The following ADGRB3 variants were observed in gnomAD, a reference collection of about 807,000 sequenced individuals.
ADGRB3 encodes brain-specific angiogenesis inhibitor 3.
Under a neutral mutation model 193.4 loss-of-function variants are expected in ADGRB3, and 37 were observed. The ratio of observed to expected loss-of-function variants is 0.19; its 90% CI spans 0.15 to 0.25. ADGRB3 has a LOEUF of 0.25. ADGRB3 is among the 10% of genes least tolerant of loss of function. The pLI is 1.00. For synonymous variants in ADGRB3, 690 were observed against 644.2 expected (o/e 1.07, Z -1.08); for missense variants, 1,637 against 1,852.9 (o/e 0.88, Z 2.14).
Position 69,048,270 on chromosome 6 carries a change from G to C in ADGRB3, c.2193G>C (p.Trp731Cys). The change falls in exon 14 of 32, where the codon TGG becomes TGC. Residue 731 changes from tryptophan (W) to cysteine (C), a missense_variant. Physicochemically the swap from Trp to Cys is radical, Grantham distance 215. This residue lies in a region of ADGRB3 where 641 missense variants were observed against 673.9 expected (regional missense o/e 0.95). Coordinates refer to ENST00000370598, the MANE Select transcript of ADGRB3 (RefSeq NM_001704.3). ...PMKGRKGMVD[W>C]ARNSEDRVVI... ...AAGGACGGAAGGGAATGGTTGACTG[G>C]GCAAGAAACTCAGAAGATAGGGTAG... 4 of 1,613,506 alleles carry C rather than the reference G, an allele frequency of 2.5e-6. No individual in the cohort carries two copies. Among genetic ancestry groups the C allele is most frequent in the Non-Finnish European group, 3.4e-6 (4 of 1,179,700 alleles).
intron 3 of ADGRB3, among the ~76,000 whole-genome samples, chr6:68,756,682 T>G (rs1562017525): frequency 6.6e-6 from 1 of 152,150 alleles, no homozygotes; most frequent in East Asian, 1.9e-4. Flanking sequence ...TTGTTTATCA[T>G]ACAGCCTCCA....
intron 17 of ADGRB3, among the ~76,000 whole-genome samples, chr6:69,096,532 A>G (rs1329218944): frequency 3.3e-5 from 5 of 151,958 alleles, no homozygotes; most frequent in Non-Finnish European, 5.9e-5. Flanking sequence ...TAGCTCCCCC[A>G]TTGTCCTATT....
intron 17 of ADGRB3, among the ~76,000 whole-genome samples, chr6:69,196,003 A>G (rs1417893451): frequency 6.6e-6 from 1 of 152,148 alleles, no homozygotes; most frequent in African/African-American, 2.4e-5. Flanking sequence ...CATATCTTAG[A>G]TGTTTACAAT....
chr6:69,120,043 G>A (rs546269558), intron 17 of ADGRB3, among the ~76,000 whole-genome samples: 1 of 152,074 alleles, frequency 6.6e-6, no homozygotes, highest in African/African-American at 2.4e-5. Context: ...TGAAAAATTC[G>A]ATTTAGAATG....
At chr6:68,687,064 ATCT>A (rs1416362821) in intron 3 of ADGRB3, among the ~76,000 whole-genome samples, 1 of 151,968 alleles carries the variant, frequency 6.6e-6, no homozygotes, top group Non-Finnish European at 1.5e-5. Flanking sequence ...ATGTATATGG[ATCT>A]TCTATGTATC....
At chr6:68,721,275 A>G (rs1242825764) in intron 3 of ADGRB3, among the ~76,000 whole-genome samples, 3 of 151,772 alleles carry the variant, frequency 2.0e-5, no homozygotes, top group Non-Finnish European at 4.4e-5. Flanking sequence ...GCACATATAC[A>G]CCATGGAATA....
At chr6:68,640,884 C>A (rs903756061) in intron 3 of ADGRB3, among the ~76,000 whole-genome samples, 1 of 152,092 alleles carries the variant, frequency 6.6e-6, no homozygotes, top group African/African-American at 2.4e-5. Context: ...GGGGTGAAAA[C>A]CTTAAAGATT....
At chr6:69,110,776 A>G (rs1412004789) in intron 17 of ADGRB3, among the ~76,000 whole-genome samples, 1 of 152,200 alleles carries the variant, frequency 6.6e-6, no homozygotes, top group Non-Finnish European at 1.5e-5. Flanking sequence ...TTTGTGAAGA[A>G]AGCAGGAAAA....
intron 3 of ADGRB3, among the ~76,000 whole-genome samples, chr6:68,905,029 C>T (rs956366691): frequency 7.9e-5 from 12 of 152,112 alleles, no homozygotes; most frequent in African/African-American, 2.9e-4. Flanking sequence ...ATATGGCCAC[C>T]GTGTGTGGAC....
At chr6:68,985,152 T>C (rs1769033415) in intron 10 of ADGRB3, among the ~76,000 whole-genome samples, 1 of 152,188 alleles carries the variant, frequency 6.6e-6, no homozygotes, top group South Asian at 2.1e-4. Context: ...GAGCTACTTG[T>C]ATGCAGGTGC....
chr6:69,248,420 A>G (rs913395382), intron 20 of ADGRB3, among the ~76,000 whole-genome samples: 2 of 152,228 alleles, frequency 1.3e-5, no homozygotes, highest in Non-Finnish European at 2.9e-5. Context: ...CTTTGAGACT[A>G]TGTCTCTCAG....
intron 6 of ADGRB3, among the ~76,000 whole-genome samples, chr6:68,951,658 T>G (rs1409762902): frequency 1.3e-5 from 2 of 152,198 alleles, no homozygotes; most frequent in African/African-American, 2.4e-5. Context: ...ACCAGGGAAC[T>G]CTTTTCTGAC....
At chr6:69,047,076 G>A (rs1375167326) in intron 13 of ADGRB3, among the ~76,000 whole-genome samples, 1 of 152,098 alleles carries the variant, frequency 6.6e-6, no homozygotes, top group African/African-American at 2.4e-5. Flanking sequence ...AGCCAGGATG[G>A]TCTCGATCTC....
At chr6:69,239,750 C>T (rs971059153) in intron 20 of ADGRB3, among the ~76,000 whole-genome samples, 11 of 151,818 alleles carry the variant, frequency 7.2e-5, no homozygotes, top group Admixed American at 2.0e-4. Flanking sequence ...TTTTGCTTCA[C>T]CTAAAGGTAT....
At chr6:68,784,198 A>G (rs1024933347) in intron 3 of ADGRB3, among the ~76,000 whole-genome samples, 7 of 152,146 alleles carry the variant, frequency 4.6e-5, no homozygotes, top group Admixed American at 4.6e-4. Context: ...TACAATTTGA[A>G]TATGAGAAAA....
intron 3 of ADGRB3, among the ~76,000 whole-genome samples, chr6:68,716,193 T>C (rs1319587747): frequency 4.6e-5 from 7 of 151,776 alleles, no homozygotes; most frequent in Non-Finnish European, 1.0e-4. Context: ...ACATTGCTTT[T>C]TTCATGTAAA....
At chr6:68,998,480 A>T (rs1385703529) in intron 11 of ADGRB3, among the ~76,000 whole-genome samples, 1 of 152,236 alleles carries the variant, frequency 6.6e-6, no homozygotes, top group Non-Finnish European at 1.5e-5. Flanking sequence ...CAAAAGTATC[A>T]CATTACTAAA....
chr6:68,677,354 T>C lies in ADGRB3; in HGVS notation c.757+37922T>C, dbSNP rs1769117916. 2.6e-5 allele frequency among the ~76,000 whole-genome samples: 4 copies of C among 152,262 alleles called. No homozygotes were observed. The South Asian group carries it at 8.3e-4, about 32-fold the overall frequency. On this transcript the variant is annotated intron_variant, in intron 3 of 31. Transcript: ENST00000370598. ...TAGTTTTCTTAAGAGTTATTTTAAG[T>C]TGTTTACTTCTTGTCACTGCAGACT...
Position 69,155,950 on chromosome 6 carries a change from T to A in ADGRB3, c.2481-77340T>A, listed in dbSNP as rs548847669. On this transcript the variant is annotated intron_variant, in intron 17 of 31. Transcript: ENST00000370598. ...ATATGACTGTGTCTATATTTGTTCT[T>A]ATGTTTCTTATATATATTAAATGAA... Among the ~76,000 whole-genome samples the A allele has an allele frequency of 2.2e-4, 34 of 152,256 alleles. No homozygotes were observed. In the South Asian group the frequency reaches 5.8e-3, roughly 26 times the overall value.
Sources: gnomAD v4.1 joint callset for allele counts (sites outside exome capture counted in the v4.1 genomes callset) on GRCh38, gnomAD v4.1.1 for gene constraint, gnomAD v4.1.1 regional missense constraint, MANE v1.5 for transcripts, NCBI Gene and HGNC (gene_info 2026-07-23, HGNC 2026-07-21) for gene names.